The following TRDN variants were observed in gnomAD, a reference collection of about 807,000 sequenced individuals.
TRDN encodes triadin.
TRDN carries 161 observed loss-of-function variants against 149.7 expected under a neutral mutation model. The observed-to-expected ratio is 1.08, with a 90% CI of 0.95 to 1.23. The LOEUF (loss-of-function observed/expected upper bound fraction) is 1.23, where lower values mean the gene tolerates loss of function less well. Among genes scored for constraint, TRDN ranks in the 50% most tolerant of loss-of-function variants. The pLI is 0.00. For missense variants in TRDN, 896 were observed against 823.5 expected, an observed-to-expected ratio of 1.09 and a Z score of -1.08; for synonymous variants, 294 against 250.5, an observed-to-expected ratio of 1.17 and a Z score of -1.64.
chr6:123,446,223 C>G, intron 10 of TRDN, among the ~76,000 whole-genome samples: 1 of 143,772 alleles, frequency 7.0e-6, no homozygotes. Context: ...ATATCACACT[C>G]TGGGGACTGT....
chr6:123,575,713 G>A (rs1782818962), intron 1 of TRDN, among the ~76,000 whole-genome samples: 2 of 152,118 alleles, frequency 1.3e-5, no homozygotes, highest in South Asian at 2.1e-4. Context: ...GTAAAAGGAG[G>A]GATTGCTTAT....
At chr6:123,602,655 A>G (rs1321258169) in intron 1 of TRDN, among the ~76,000 whole-genome samples, 2 of 152,032 alleles carry the variant, frequency 1.3e-5, no homozygotes, top group African/African-American at 4.8e-5. Context: ...CCCTATCTCA[A>G]TGTATTTCCT....
chr6:123,496,078 TATA>T (rs1390283959), intron 9 of TRDN, among the ~76,000 whole-genome samples: 5 of 147,116 alleles, frequency 3.4e-5, no homozygotes, highest in South Asian at 2.1e-4. Flanking sequence ...TTAATATTAA[TATA>T]ATATATTAAT....
chr6:123,231,690 A>G (rs1039846697), intron 38 of TRDN, among the ~76,000 whole-genome samples: 5 of 152,078 alleles, frequency 3.3e-5, no homozygotes, highest in Admixed American at 2.6e-4. Flanking sequence ...AAGTTTGGAA[A>G]ATTTAATGTC....
At chr6:123,451,809 G>A (rs538204587) in intron 10 of TRDN, among the ~76,000 whole-genome samples, 43 of 152,164 alleles carry the variant, frequency 2.8e-4, no homozygotes, top group African/African-American at 1.0e-3. Flanking sequence ...GAAAACTACA[G>A]ACCAATATCC....
At chr6:123,506,774 T>C (rs889633463) in intron 7 of TRDN, among the ~76,000 whole-genome samples, 1 of 152,070 alleles carries the variant, frequency 6.6e-6, no homozygotes, top group African/African-American at 2.4e-5. Flanking sequence ...AATTTCTTCA[T>C]GGTCAATTCA....
At chr6:123,425,773 A>G (rs1023714429) in intron 12 of TRDN, among the ~76,000 whole-genome samples, 1 of 152,076 alleles carries the variant, frequency 6.6e-6, no homozygotes, top group African/African-American at 2.4e-5. Flanking sequence ...AATGTAGACA[A>G]TGCTTATGAG....
At chr6:123,501,094 A>G (rs185664287) in intron 8 of TRDN, among the ~76,000 whole-genome samples, 21 of 151,694 alleles carry the variant, frequency 1.4e-4, no homozygotes, top group Non-Finnish European at 2.7e-4. Context: ...GTGTGTGTTT[A>G]TGGTAGGTGT....
At chr6:123,554,094 T>C (rs1781530548) in intron 2 of TRDN, among the ~76,000 whole-genome samples, 1 of 152,152 alleles carries the variant, frequency 6.6e-6, no homozygotes, top group Non-Finnish European at 1.5e-5. Context: ...CAAAGACTGT[T>C]TTCATTGGAA....
chr6:123,552,143 T>TG (rs1781428903), intron 2 of TRDN, among the ~76,000 whole-genome samples: 1 of 152,138 alleles, frequency 6.6e-6, no homozygotes, highest in Non-Finnish European at 1.5e-5. Context: ...GTTCAAGTCA[T>TG]TCTTAATTGT....
At chr6:123,585,095 A>G (rs954313549) in intron 1 of TRDN, among the ~76,000 whole-genome samples, 3 of 151,336 alleles carry the variant, frequency 2.0e-5, no homozygotes, top group African/African-American at 7.3e-5. Flanking sequence ...GGGGTGCATG[A>G]TCGGTTGCCA....
chr6:123,296,197 G>A (rs1420221983), intron 24 of TRDN, among the ~76,000 whole-genome samples: 6 of 152,040 alleles, frequency 3.9e-5, no homozygotes, highest in East Asian at 1.9e-4. Context: ...CTTTAAGGGC[G>A]TATTAACAAA....
chr6:123,597,472 T>A (rs1054912203), intron 1 of TRDN, among the ~76,000 whole-genome samples: 2 of 152,102 alleles, frequency 1.3e-5, no homozygotes, highest in African/African-American at 2.4e-5. Flanking sequence ...ACTGGCCTAG[T>A]TGTAGAGGAT....
intron 12 of TRDN, among the ~76,000 whole-genome samples, chr6:123,422,023 T>C (rs1470917706): frequency 2.0e-5 from 3 of 151,952 alleles, no homozygotes; most frequent in Admixed American, 6.6e-5. Flanking sequence ...AATAAAAATA[T>C]ATACATAAAT....
At chr6:123,325,112 A>G (rs1272624537) in intron 23 of TRDN, among the ~76,000 whole-genome samples, 1 of 152,136 alleles carries the variant, frequency 6.6e-6, no homozygotes, top group Non-Finnish European at 1.5e-5. Context: ...AATTTTGACT[A>G]TGTGTTAGGA....
chr6:123,274,280 G>T (rs534791011), intron 27 of TRDN, among the ~76,000 whole-genome samples: 5 of 151,634 alleles, frequency 3.3e-5, no homozygotes, highest in Non-Finnish European at 5.9e-5. Flanking sequence ...TTATAATTCT[G>T]GTATATTACT....
At chr6:123,261,456 C>T (rs896891410) in intron 33 of TRDN, among the ~76,000 whole-genome samples, 8 of 151,682 alleles carry the variant, frequency 5.3e-5, no homozygotes, top group Non-Finnish European at 7.4e-5. Flanking sequence ...TCTTCTTGTT[C>T]CTTCAGTAAA....
chr6:123,311,560 A>C (rs893624695), intron 24 of TRDN, among the ~76,000 whole-genome samples: 18 of 151,956 alleles, frequency 1.2e-4, no homozygotes, highest in Non-Finnish European at 2.6e-4. Flanking sequence ...TCTACACCTA[A>C]GGTGTTGAAG....
At chr6:123,483,066 T>TTTATTATTATTATTA (rs71021451) in intron 9 of TRDN, among the ~76,000 whole-genome samples, 13 of 133,370 alleles carry the variant, frequency 9.7e-5, no homozygotes, top group Admixed American at 2.3e-4. Flanking sequence ...TGATTTCTCA[T>TTTATTATTATTATTA]TTATTATTAT....
Sources: gnomAD v4.1 joint callset for allele counts (sites outside exome capture counted in the v4.1 genomes callset) on GRCh38, gnomAD v4.1.1 for gene constraint, MANE v1.5 for transcripts, NCBI Gene and HGNC (gene_info 2026-07-23, HGNC 2026-07-21) for gene names.